SOAT1: variants seen among roughly 807,000 people sequenced by gnomAD.
The protein encoded by SOAT1 is acyl-coenzyme A:cholesterol acyltransferase 1.
Under a neutral mutation model 69.5 loss-of-function variants are expected in SOAT1, and 55 were observed. The observed-to-expected ratio is 0.79, with a 90% CI of 0.64 to 0.99. The LOEUF is 0.99. Ranked by LOEUF, SOAT1 falls within the 50% of genes least tolerant of loss-of-function variation. The pLI is 0.00. For synonymous variants in SOAT1, 231 were observed against 224.7 expected, an observed-to-expected ratio of 1.03 and a Z score of -0.25; for missense variants, 580 against 669.3, an observed-to-expected ratio of 0.87 and a Z score of 1.47.
chr1:179,329,398 C>G (rs1466864148), intron 3 of SOAT1, among the ~76,000 whole-genome samples: 3 of 151,890 alleles, frequency 2.0e-5, no homozygotes, highest in Admixed American at 2.0e-4. Flanking sequence ...AGTTTCTCAC[C>G]ATGTTTTTTC....
chr1:179,333,604 G>A (rs1666043273), intron 3 of SOAT1, among the ~76,000 whole-genome samples: 1 of 152,054 alleles, frequency 6.6e-6, no homozygotes, highest in Non-Finnish European at 1.5e-5. Context: ...ACTTTGGGAG[G>A]CCGAGGCGGG....
intron 12 of SOAT1, 131 bp from the exon 13 acceptor site, chr1:179,348,713 G>T: frequency 1.6e-6 from 1 of 625,698 alleles, no homozygotes; most frequent in Non-Finnish European, 2.8e-6. Flanking sequence ...TGATTTTTCT[G>T]TTACATATGT....
intron 2 of SOAT1, among the ~76,000 whole-genome samples, chr1:179,311,646 A>G (rs1665226119): frequency 6.6e-6 from 1 of 152,230 alleles, no homozygotes; most frequent in African/African-American, 2.4e-5. Flanking sequence ...GTAACTTTAA[A>G]AAATTCACTT....
intron 2 of SOAT1, among the ~76,000 whole-genome samples, chr1:179,308,277 A>G (rs982415597): frequency 3.3e-5 from 5 of 152,326 alleles, no homozygotes; most frequent in African/African-American, 1.2e-4. Context: ...TTTAGTGGTA[A>G]TAAGGCAGAT....
rs182925708 is a variant in SOAT1, at chr1:179,331,972, A to G, written c.178-3534A>G. Among the ~76,000 whole-genome samples the G allele has an allele frequency of 1.4e-3, 215 of 152,316 alleles. 2 individuals carry two copies. Among genetic ancestry groups the G allele is most frequent in the Admixed American group, 0.014 (211 of 15,292 alleles). ...TGTGGAGTTAATGTTCTTTAAAACC[A>G]TTTATGAAGAAATTGTGATCAAGGG... On this transcript the variant is annotated intron_variant, in intron 3 of 15. Coordinates refer to ENST00000367619, the MANE Select transcript of SOAT1 (RefSeq NM_003101.6).
rs146645103 is a variant in SOAT1 at position 179,337,789 on chromosome 1, A to G, written c.330-48A>G. The G allele has an allele frequency of 2.7e-3, 3,597 of 1,342,756 alleles. 17 individuals are homozygous for G. The highest frequency in any genetic ancestry group is 0.011 in the Middle Eastern group (55 of 4,918). 83.2% of individuals were successfully genotyped at this position (1,342,756 alleles called of 1,614,324 possible). On this transcript the variant is annotated intron_variant, in intron 4 of 15. Coordinates refer to ENST00000367619, the MANE Select transcript of SOAT1 (RefSeq NM_003101.6). ...TCTTGTCTGTGGGATTAGATTTCTT[A>G]TAATACTTGAAGTACTTATATCTTG...
chr1:179,300,999 G>A (rs924036716), intron 1 of SOAT1, among the ~76,000 whole-genome samples: 31 of 152,160 alleles, frequency 2.0e-4, no homozygotes, highest in African/African-American at 7.0e-4. Context: ...GGAGGCTGAG[G>A]CAGGAGAATT....
intron 9 of SOAT1, 72 bp downstream of exon 9, chr1:179,343,015 A>G (rs964101501): frequency 4.4e-6 from 5 of 1,147,694 alleles, no homozygotes; most frequent in Non-Finnish European, 6.6e-6. Context: ...ATAGGTAAAC[A>G]GGGGCCAGTT....
At chr1:179,353,068 T>C (rs1309248139) in intron 15 of SOAT1, among the ~76,000 whole-genome samples, 1 of 144,774 alleles carries the variant, frequency 6.9e-6, no homozygotes, top group Non-Finnish European at 1.5e-5. Flanking sequence ...TTTATATATA[T>C]GTCATTTATG....
At chr1:179,302,495 G>A (rs1431175773) in intron 1 of SOAT1, among the ~76,000 whole-genome samples, 182 bp from the exon 2 acceptor site, 2 of 152,164 alleles carry the variant, frequency 1.3e-5, no homozygotes, top group Non-Finnish European at 2.9e-5. Flanking sequence ...CTGCCGCCAC[G>A]TAAGACATGC....
intron 4 of SOAT1, among the ~76,000 whole-genome samples, chr1:179,336,973 T>A (rs1200369377): frequency 6.9e-6 from 1 of 145,942 alleles, no homozygotes; most frequent in Non-Finnish European, 1.5e-5. Context: ...TCAGCCTGGG[T>A]GACAGAGTGA....
chr1:179,337,328 G>C (rs1022727602), intron 4 of SOAT1, among the ~76,000 whole-genome samples: 1 of 152,222 alleles, frequency 6.6e-6, no homozygotes, highest in Non-Finnish European at 1.5e-5. Context: ...TCAGGAGGCT[G>C]TTGGGAGTTG....
In SOAT1 at chr1:179,325,105, C is replaced by T. The variant is rs535572490; in HGVS notation, c.177+1610C>T. On this transcript the variant is annotated intron_variant, in intron 3 of 15. Coordinates refer to ENST00000367619, the MANE Select transcript of SOAT1 (RefSeq NM_003101.6). ...CTGGGATTACCACACCCGGCTGGCA[C>T]GTGCTAGTTTTAAACATCTATTCTT... is the stretch of plus-strand genomic sequence containing the variant. Among the ~76,000 whole-genome samples the T allele has an allele frequency of 4.1e-5, 6 of 148,088 alleles. No homozygotes were observed. In the East Asian group the frequency reaches 8.3e-4, roughly 20 times the overall value.
chr1:179,332,605 C>T (rs1666007383), intron 3 of SOAT1, among the ~76,000 whole-genome samples: 1 of 152,070 alleles, frequency 6.6e-6, no homozygotes, highest in African/African-American at 2.4e-5. Flanking sequence ...GGTGCTAGGG[C>T]TGTCAGAGTC....
At chr1:179,296,459 G>A (rs1664647823) in intron 1 of SOAT1, among the ~76,000 whole-genome samples, 1 of 152,126 alleles carries the variant, frequency 6.6e-6, no homozygotes, top group Admixed American at 6.5e-5. Context: ...GACCAGCCAA[G>A]TTCTATTTTT....
At chr1:179,352,461 T>A (rs1193050305) in intron 15 of SOAT1, among the ~76,000 whole-genome samples, 1 of 147,444 alleles carries the variant, frequency 6.8e-6, no homozygotes, top group Non-Finnish European at 1.5e-5. Flanking sequence ...ATATAGGGCG[T>A]GTCCTATATT....
At chr1:179,348,760 ATGTGTGTGTG>A (rs71111912) in intron 12 of SOAT1, 74 bp from the exon 13 acceptor site, 9,628 of 591,268 alleles carry the variant, frequency 0.016, 111 homozygotes, top group African/African-American at 0.038. Flanking sequence ...TTCGGGTGGG[ATGTGTGTGTG>A]TGTGTGTGTG....
chr1:179,304,340 C>T (rs1036409596), intron 2 of SOAT1, among the ~76,000 whole-genome samples: 8 of 148,594 alleles, frequency 5.4e-5, no homozygotes, highest in African/African-American at 1.7e-4. Flanking sequence ...TGCAATGGTG[C>T]GATATTGGCT....
chr1:179,341,253 T>C lies in SOAT1; in HGVS notation c.723T>C (p.Tyr241=), dbSNP rs1165071655. The C allele has an allele frequency of 2.5e-6, 4 of 1,614,046 alleles. No individual in the cohort carries two copies. The African/African-American group carries it at 4.0e-5, about 16-fold the overall frequency. ...QIGVLGFGPT[Y]VVLAYTLPPA... is the part of the protein sequence containing the mutation. ...GAGTTCTAGGTTTTGGACCAACATATGTTGTGTTAGCATATACACTGCCAC... is the reference window on the plus strand; with the variant it reads ...GAGTTCTAGGTTTTGGACCAACATACGTTGTGTTAGCATATACACTGCCAC... The change falls in exon 7 of 16, where the codon TAT becomes TAC. Residue 241 remains tyrosine (Y), a synonymous_variant. Transcript: ENST00000367619.
Sources: allele counts gnomAD v4.1 joint callset (sites outside exome capture counted in the v4.1 genomes callset), GRCh38; gene constraint gnomAD v4.1.1; transcripts MANE v1.5; gene names NCBI Gene and HGNC (gene_info 2026-07-23, HGNC 2026-07-21).